Variants in DGKB observed in about 807,000 individuals in gnomAD.
DGKB encodes the protein diacylglycerol kinase beta.
In DGKB, 67 loss-of-function variants were observed where a neutral mutation model predicts 114.3. The observed-to-expected ratio is 0.59, with a 90% confidence interval of 0.48 to 0.72. The LOEUF (loss-of-function observed/expected upper bound fraction) is 0.72, where lower values mean the gene tolerates loss of function less well. Among genes scored for constraint, DGKB ranks in the 30% least tolerant of loss-of-function variants. DGKB has a pLI of 0.00. For missense variants in DGKB, 907 were observed against 975.2 expected, an observed-to-expected ratio of 0.93 and a Z score of 0.93; for synonymous variants, 398 against 323.1, an observed-to-expected ratio of 1.23 and a Z score of -2.49.
At chr7:14,834,080 G>C (rs185120625) in intron 2 of DGKB, among the ~76,000 whole-genome samples, 5 of 152,050 alleles carry the variant, frequency 3.3e-5, no homozygotes, top group African/African-American at 1.2e-4. Flanking sequence ...GTGGAAAGTG[G>C]TAACTAAGGA....
intron 23 of DGKB, among the ~76,000 whole-genome samples, chr7:14,258,769 G>C (rs767369854): frequency 6.6e-6 from 1 of 152,156 alleles, no homozygotes; most frequent in African/African-American, 2.4e-5. Context: ...ATTTGTCTAT[G>C]TTATAAATGG....
At chr7:14,848,293 A>T (rs979404719) in intron 1 of DGKB, among the ~76,000 whole-genome samples, 1 of 152,242 alleles carries the variant, frequency 6.6e-6, no homozygotes, top group African/African-American at 2.4e-5. Flanking sequence ...GAGGGGATCA[A>T]GAATGACTCC....
intron 13 of DGKB, among the ~76,000 whole-genome samples, chr7:14,651,051 C>T (rs1052944693): frequency 3.3e-5 from 5 of 152,122 alleles, no homozygotes; most frequent in East Asian, 1.9e-4. Flanking sequence ...GATTCACAGC[C>T]GAATTCTACC....
intron 25 of DGKB, among the ~76,000 whole-genome samples, chr7:14,154,853 T>C (rs1782758604): frequency 6.6e-6 from 1 of 151,672 alleles, no homozygotes; most frequent in African/African-American, 2.4e-5. Context: ...TCTGCTTTTT[T>C]TTTTTTTCGT....
intron 1 of DGKB, among the ~76,000 whole-genome samples, chr7:14,967,985 T>C (rs758968993): frequency 1.1e-4 from 17 of 152,066 alleles, no homozygotes; most frequent in Non-Finnish European, 2.2e-4. Context: ...CTGACAAACA[T>C]ATAGTGAGGT....
At chr7:14,592,392 G>A (rs1269112146) in intron 17 of DGKB, among the ~76,000 whole-genome samples, 1 of 151,854 alleles carries the variant, frequency 6.6e-6, no homozygotes, top group East Asian at 1.9e-4. Flanking sequence ...ACAGAAAGAA[G>A]CATACTTATC....
chr7:14,843,613 C>T (rs1182714560), intron 1 of DGKB, among the ~76,000 whole-genome samples: 2 of 152,112 alleles, frequency 1.3e-5, no homozygotes, highest in Non-Finnish European at 2.9e-5. Flanking sequence ...GGATTACAGG[C>T]GTGAGCCACC....
intron 21 of DGKB, among the ~76,000 whole-genome samples, chr7:14,419,911 T>C (rs986805232): frequency 6.6e-6 from 1 of 151,982 alleles, no homozygotes; most frequent in African/African-American, 2.4e-5. Context: ...AAAAGCAAAA[T>C]AGACATTGTG....
At chr7:14,635,544 G>C (rs1419818579) in intron 13 of DGKB, among the ~76,000 whole-genome samples, 1 of 151,444 alleles carries the variant, frequency 6.6e-6, no homozygotes, top group African/African-American at 2.4e-5. Context: ...AGGAGAAAGA[G>C]GGGAGCTGAT....
At chr7:14,582,140 C>T (rs906779025) in intron 18 of DGKB, among the ~76,000 whole-genome samples, 2 of 152,012 alleles carry the variant, frequency 1.3e-5, no homozygotes, top group African/African-American at 4.8e-5. Flanking sequence ...TGAATCAATT[C>T]GTTTTATGAA....
chr7:14,797,776 T>C (rs1431122814), intron 2 of DGKB, among the ~76,000 whole-genome samples: 2 of 152,116 alleles, frequency 1.3e-5, no homozygotes, highest in Non-Finnish European at 2.9e-5. Context: ...TCTCCCATTG[T>C]TTGGTGAGTG....
chr7:14,619,870 A>G (rs1214960167), intron 15 of DGKB, among the ~76,000 whole-genome samples: 3 of 151,632 alleles, frequency 2.0e-5, no homozygotes, highest in African/African-American at 7.2e-5. Context: ...AAGCTATCCT[A>G]TTTAACAAAT....
At chr7:14,287,850 G>C (rs1385539235) in intron 23 of DGKB, among the ~76,000 whole-genome samples, 1 of 152,060 alleles carries the variant, frequency 6.6e-6, no homozygotes, top group African/African-American at 2.4e-5. Context: ...ATTAATAGAA[G>C]GACAGCCTGC....
At chr7:14,912,130 G>C (rs980642870) in intron 1 of DGKB, among the ~76,000 whole-genome samples, 9 of 152,054 alleles carry the variant, frequency 5.9e-5, no homozygotes, top group Non-Finnish European at 1.3e-4. Context: ...AGGCCAAGTG[G>C]ACATATATTA....
At chr7:14,680,209 AGATT>A (rs1250534541) in intron 12 of DGKB, among the ~76,000 whole-genome samples, 14 of 151,796 alleles carry the variant, frequency 9.2e-5, no homozygotes, top group Admixed American at 3.3e-4. Context: ...TAGAGCTTTG[AGATT>A]GATTAATTGA....
intron 2 of DGKB, among the ~76,000 whole-genome samples, chr7:14,776,593 G>T (rs2128480838): frequency 6.6e-6 from 1 of 152,354 alleles, no homozygotes; most frequent in African/African-American, 2.4e-5. Flanking sequence ...AGCCTTGTTA[G>T]CTTCCATGTG....
At chr7:14,772,858 T>C (rs1837619317) in intron 2 of DGKB, among the ~76,000 whole-genome samples, 1 of 152,144 alleles carries the variant, frequency 6.6e-6, no homozygotes. Context: ...TTTCTGCCTT[T>C]CTCACCCCTC....
intron 23 of DGKB, among the ~76,000 whole-genome samples, chr7:14,206,176 G>A (rs1252940764): frequency 1.3e-5 from 2 of 151,902 alleles, no homozygotes; most frequent in Non-Finnish European, 2.9e-5. Context: ...AAAGAGATGT[G>A]GAATCCACAT....
At chr7:14,635,843 C>A (rs1810650616) in intron 13 of DGKB, among the ~76,000 whole-genome samples, 1 of 151,344 alleles carries the variant, frequency 6.6e-6, no homozygotes, top group South Asian at 2.1e-4. Context: ...TCCTGTTATG[C>A]CTATTTTATC....
Sources: allele counts gnomAD v4.1 joint callset (sites outside exome capture counted in the v4.1 genomes callset), GRCh38; gene constraint gnomAD v4.1.1; transcripts MANE v1.5; gene names NCBI Gene and HGNC (gene_info 2026-07-23, HGNC 2026-07-21).